Variants in ZFYVE21 observed in about 807,000 individuals in gnomAD.
The protein encoded by ZFYVE21 is zinc finger FYVE domain-containing protein 21.
Under a neutral mutation model 29.5 loss-of-function variants are expected in ZFYVE21, and 21 were observed. The observed-to-expected ratio is 0.71, with a 90% confidence interval of 0.50 to 1.02. The LOEUF (loss-of-function observed/expected upper bound fraction) is 1.02, where lower values mean the gene tolerates loss of function less well. ZFYVE21 is among the 50% of genes least tolerant of loss of function. The pLI is 0.00. For missense variants in ZFYVE21, 326 were observed against 335.4 expected, an observed-to-expected ratio of 0.97 and a Z score of 0.22; for synonymous variants, 151 against 133.8, an observed-to-expected ratio of 1.13 and a Z score of -0.89.
At chr14:103,721,605 G>A (rs1404364614) in intron 1 of ZFYVE21, among the ~76,000 whole-genome samples, 2 of 152,190 alleles carry the variant, frequency 1.3e-5, no homozygotes, top group African/African-American at 4.8e-5. Flanking sequence ...GTCATTAGCG[G>A]GTTTATCTGC....
chr14:103,721,425 G>A (rs1236455083), intron 1 of ZFYVE21, among the ~76,000 whole-genome samples: 2 of 152,206 alleles, frequency 1.3e-5, no homozygotes, highest in South Asian at 2.1e-4. Context: ...GCTTCCCGCC[G>A]AGCCTGTGAT....
rs2083957405 is a variant in ZFYVE21 at position 103,729,649 on chromosome 14, TCTG to T, written c.526+471_526+473del. On this transcript the variant is annotated intron_variant, in intron 5 of 6. Coordinates refer to ENST00000311141, the MANE Select transcript of ZFYVE21 (RefSeq NM_024071.4). ...CCCATCCTGGGCCTCTCCACTAAAC[TCTG>T]CTGACGGGGAGCTCGCATCCCGTTA... 11 of 1,063,958 alleles carry T rather than the reference TCTG, an allele frequency of 1.0e-5. No homozygotes were observed. In the Admixed American group the frequency reaches 2.5e-4, roughly 24 times the overall value. 65.9% of individuals were successfully genotyped at this position (1,063,958 alleles called of 1,614,324 possible).
In ZFYVE21 at chr14:103,716,280, G is replaced by T. The variant is rs1159430767; in HGVS notation, c.138+301G>T. 6.6e-6 allele frequency among the ~76,000 whole-genome samples: 1 copy of T among 152,182 alleles called. No homozygotes were observed. The highest frequency in any genetic ancestry group is 2.4e-5 in the African/African-American group (1 of 41,454). The stretch of plus-strand genomic sequence containing the variant: ...TGCGGGGCGCGGGCTGGTCCCGGGG[G>T]TGGGTGCGGCCCTGCCCGAGGCCGG... On this transcript the variant is annotated intron_variant, in intron 1 of 6. Coordinates refer to ENST00000311141, the MANE Select transcript of ZFYVE21 (RefSeq NM_024071.4). This position sits in a 1 kb window ranked among gnomAD's most constrained non-coding sequence, Gnocchi z 4.8.
At chr14:103,727,330 G>A (rs909076684) in intron 2 of ZFYVE21, 3 of 374,004 alleles carry the variant, frequency 8.0e-6, no homozygotes, top group Non-Finnish European at 1.6e-5. Context: ...TGGGGTGGGG[G>A]TGCAGCTTGC....
chr14:103,720,076 CA>C (rs2083860348), intron 1 of ZFYVE21, among the ~76,000 whole-genome samples: 1 of 152,118 alleles, frequency 6.6e-6, no homozygotes, highest in African/African-American at 2.4e-5. Flanking sequence ...CCCTGAGATG[CA>C]AGTAGATTTT....
chr14:103,727,575 C>T (rs751501522), intron 2 of ZFYVE21, 171 bp from the exon 3 acceptor site: 55 of 809,510 alleles, frequency 6.8e-5, no homozygotes, highest in Non-Finnish European at 1.0e-4. Context: ...CGGATCCCCG[C>T]TGCGTGGTGG....
chr14:103,725,193 C>A (rs1168987629), intron 1 of ZFYVE21: 1 of 152,342 alleles, frequency 6.6e-6, no homozygotes, highest in Admixed American at 6.5e-5. Flanking sequence ...TCAGGGTCCC[C>A]CTGCCATCTG....
rs2083797324 is a variant in ZFYVE21, at chr14:103,715,839, G to T, written c.-3G>T. The T allele has an allele frequency of 7.1e-7, 1 of 1,401,990 alleles. No individual in the cohort carries two copies. Among genetic ancestry groups the T allele is most frequent in the Non-Finnish European group, 9.3e-7 (1 of 1,071,652 alleles). The allele number at this position is 1,401,990 out of a possible 1,614,324, so 86.8% of individuals were successfully genotyped here. A position where few individuals can be genotyped will look rare whatever the true frequency, so the allele number is the denominator to read the frequency against. On this transcript the variant is annotated 5_prime_UTR_variant, in exon 1 of 7. Coordinates refer to ENST00000311141, the MANE Select transcript of ZFYVE21 (RefSeq NM_024071.4). ...CCGCTGGCCGAGAGGCTGAGGCGGC[G>T]TCATGTCCTCCGAGGTGTCCGCGCG... is the stretch of plus-strand genomic sequence containing the variant.
At position 103,716,912 on chromosome 14, in the gene ZFYVE21, T is replaced by G. The variant is rs2083825745; in HGVS notation, c.138+933T>G. 6.6e-6 allele frequency among the ~76,000 whole-genome samples: 1 copy of G among 151,922 alleles called. No homozygotes were observed. The highest frequency in any genetic ancestry group is 6.5e-5 in the Admixed American group (1 of 15,276). ...GGATTTTACCACGATAAAAAAAAAA[T>G]TGGGGGAGAAAAAGAATTTTTGTAA... On this transcript the variant is annotated intron_variant, in intron 1 of 6. Transcript: ENST00000311141. This position sits in a 1 kb window ranked among gnomAD's most constrained non-coding sequence, Gnocchi z 4.8.
intron 1 of ZFYVE21, among the ~76,000 whole-genome samples, chr14:103,723,183 G>A (rs901931002): frequency 3.9e-5 from 6 of 152,324 alleles, no homozygotes; most frequent in Admixed American, 2.6e-4. Context: ...TAAAACCCCC[G>A]TGAAGCTTTC....
rs375040425 is a variant in ZFYVE21 at position 103,728,893 on chromosome 14, T to C, written c.359-15T>C. The C allele has an allele frequency of 1.9e-6, 3 of 1,614,010 alleles. No individual in the cohort carries two copies. Among genetic ancestry groups the C allele is most frequent in the South Asian group, 2.2e-5 (2 of 91,072 alleles). Reference sequence around the variant, plus strand: ...AAGCAGGCCCTGTTCTCACGTTTGCTTTTGTGTTCCCAAGGAGCCACCTTC... The same window carrying C: ...AAGCAGGCCCTGTTCTCACGTTTGCCTTTGTGTTCCCAAGGAGCCACCTTC... On this transcript the variant is annotated splice_polypyrimidine_tract_variant and intron_variant, in intron 3 of 6. Transcript: ENST00000311141.
intron 1 of ZFYVE21, among the ~76,000 whole-genome samples, chr14:103,721,910 G>C (rs535727509): frequency 2.0e-5 from 3 of 152,216 alleles, no homozygotes; most frequent in Non-Finnish European, 4.4e-5. Flanking sequence ...GGGATGTGAC[G>C]CAGAGGCTGG....
At chr14:103,723,721 G>T (rs978534601) in intron 1 of ZFYVE21, among the ~76,000 whole-genome samples, 3 of 152,182 alleles carry the variant, frequency 2.0e-5, no homozygotes, top group Non-Finnish European at 4.4e-5. Context: ...GGCCCCATAG[G>T]ACTCCTTCCA....
Position 103,732,753 on chromosome 14 carries a change from C to T in ZFYVE21, c.660C>T (p.Ala220=), listed in dbSNP as rs755539400. ...GRRQAVAWLV[A]MHKAAKLLYE... ...GGCAGGCGGTGGCGTGGCTAGTGGC[C>T]ATGCACAAGGTACCTGAGCCCAGGC... is the stretch of plus-strand genomic sequence containing the variant. Residue 220 remains alanine (A), a synonymous_variant, in exon 6 of 7, where the codon GCC becomes GCT. Coordinates refer to ENST00000311141, the MANE Select transcript of ZFYVE21 (RefSeq NM_024071.4). The T allele has an allele frequency of 3.1e-6, 5 of 1,612,246 alleles. No homozygotes were observed. Among genetic ancestry groups the T allele is most frequent in the Non-Finnish European group, 4.2e-6 (5 of 1,179,414 alleles).
At chr14:103,729,385 C>T in intron 5 of ZFYVE21, 1 of 594,932 alleles carries the variant, frequency 1.7e-6, no homozygotes, top group Non-Finnish European at 3.0e-6. Flanking sequence ...GAGACTTAAA[C>T]TGTAAGACAA....
chr14:103,717,918 G>A (rs1373981635), intron 1 of ZFYVE21, among the ~76,000 whole-genome samples: 1 of 152,236 alleles, frequency 6.6e-6, no homozygotes, highest in Non-Finnish European at 1.5e-5. Context: ...ACTTAGAACG[G>A]GGCAGTAAGG....
intron 1 of ZFYVE21, among the ~76,000 whole-genome samples, chr14:103,717,270 A>G (rs928396934): frequency 1.3e-5 from 2 of 152,068 alleles, no homozygotes; most frequent in Non-Finnish European, 2.9e-5. Context: ...TCCGCCAATC[A>G]TCCTCCTTCA....
At chr14:103,729,360 C>T in intron 5 of ZFYVE21, 178 bp downstream of exon 5, 7 of 628,728 alleles carry the variant, frequency 1.1e-5, no homozygotes, top group Non-Finnish European at 1.9e-5. Context: ...GGCTTTAGAA[C>T]TCGCCAGGTG....
chr14:103,723,529 C>G (rs1230329232), intron 1 of ZFYVE21, among the ~76,000 whole-genome samples: 5 of 152,228 alleles, frequency 3.3e-5, no homozygotes, highest in Non-Finnish European at 7.3e-5. Context: ...CGTGGGATCT[C>G]ACAAAGCTCA....
Sources: gnomAD v4.1 joint callset for allele counts (sites outside exome capture counted in the v4.1 genomes callset) on GRCh38, gnomAD v4.1.1 for gene constraint, Gnocchi (gnomAD v3.1) non-coding constraint, MANE v1.5 for transcripts, NCBI Gene and HGNC (gene_info 2026-07-23, HGNC 2026-07-21) for gene names.